Variants in WEE1 observed in about 807,000 individuals in gnomAD.
The protein encoded by WEE1 is wee1-like protein kinase.
A neutral mutation model predicts 68.8 loss-of-function variants in WEE1; 16 were observed. That is an observed-to-expected ratio of 0.23 (90% CI 0.16 to 0.35). The LOEUF (loss-of-function observed/expected upper bound fraction) is 0.35, where lower values mean the gene tolerates loss of function less well. Ranked by LOEUF, WEE1 falls within the 10% of genes least tolerant of loss-of-function variation. The probability of loss-of-function intolerance (pLI) is 1.00; values close to 1 mark genes in which losing one functional copy is unlikely to be tolerated. For synonymous variants in WEE1, 349 were observed against 318.7 expected, an observed-to-expected ratio of 1.09 and a Z score of -1.01; for missense variants, 651 against 824.1, an observed-to-expected ratio of 0.79 and a Z score of 2.57.
Position 9,576,426 on chromosome 11 carries a change from A to G in WEE1, c.847-61A>G. The G allele has an allele frequency of 1.3e-6, 2 of 1,578,652 alleles. No homozygotes were observed. The highest frequency in any genetic ancestry group is 1.7e-6 in the Non-Finnish European group (2 of 1,161,248). On this transcript the variant is annotated intron_variant, in intron 3 of 10. Coordinates refer to ENST00000450114, the MANE Select transcript of WEE1 (RefSeq NM_003390.4). This position sits in a 1 kb window ranked among gnomAD's most constrained non-coding sequence, Gnocchi z 4.3. ...ATTTCACACATAGCCCTATCACCAT[A>G]GCAAGAAATAACTGTTTTCGTATAT...
rs1781211359 is a variant in WEE1 at position 9,589,845 on chromosome 11, A to G, written c.*1243A>G. On this transcript the variant is annotated 3_prime_UTR_variant, in exon 11 of 11. Transcript: ENST00000450114. ...AAATGTATAGTGTGTATAATGTACT[A>G]TTATAAAAGCAGAGGGCACATTTTG... The G allele has an allele frequency of 2.0e-6, 1 of 509,036 alleles. No homozygotes were observed. Among genetic ancestry groups the G allele is most frequent in the Admixed American group, 6.4e-5 (1 of 15,662 alleles). The allele number at this position is 509,036 out of a possible 1,614,324, so 31.5% of individuals were successfully genotyped here.
chr11:9,575,096 G>A, intron 1 of WEE1: 1 of 985,492 alleles, frequency 1.0e-6, no homozygotes, highest in Non-Finnish European at 1.2e-6. Flanking sequence ...CTAAGTCCAG[G>A]CAGTACTGAG....
At chr11:9,585,135 T>G (rs933526777) in intron 6 of WEE1, 123 bp from the exon 7 acceptor site, 5 of 767,932 alleles carry the variant, frequency 6.5e-6, no homozygotes, top group Non-Finnish European at 1.1e-5. Flanking sequence ...TTCCATGGGT[T>G]TGGGCTAGAA....
chr11:9,575,057 C>T, intron 1 of WEE1: 1 of 985,660 alleles, frequency 1.0e-6, no homozygotes, highest in South Asian at 4.7e-5. Flanking sequence ...GGCTGGCCTT[C>T]CAAGCATTTA....
chr11:9,574,507 A>C lies in WEE1; in HGVS notation c.574A>C (p.Lys192Gln). The change falls in exon 1 of 11, where the codon AAG (lysine) becomes CAG (glutamine). Residue 192 changes from lysine (K) to glutamine (Q), a missense_variant and splice_region_variant. Physicochemically the swap from Lys to Gln is moderately conservative, Grantham distance 53 (BLOSUM62 1). This residue lies in a region of WEE1 where 395 missense variants were observed against 378.4 expected (regional missense o/e 1.04). Transcript: ENST00000450114. This position sits in a 1 kb window ranked among gnomAD's most constrained non-coding sequence, Gnocchi z 4.9. Reference protein sequence around the residue: ...LRLFDTPHTPKSLLSKARGID... With the variant: ...LRLFDTPHTPQSLLSKARGID... The stretch of plus-strand genomic sequence containing the variant: ...ACTCTTCGACACCCCGCACACGCCC[A>C]AGGTGAGAGCGGCGGGCGCGGGCAC... 1.6e-6 allele frequency: 2 copies of C among 1,218,362 alleles called. No homozygotes were observed. The highest frequency in any genetic ancestry group is 1.6e-5 in the African/African-American group (1 of 62,346). 75.5% of individuals were successfully genotyped at this position (1,218,362 alleles called of 1,614,324 possible). A position where few individuals can be genotyped will look rare whatever the true frequency, so the allele number is the denominator to read the frequency against.
chr11:9,575,384 G>C (rs1849554649), intron 1 of WEE1: 1 of 991,916 alleles, frequency 1.0e-6, no homozygotes. Flanking sequence ...AAGTGAGTTT[G>C]TTTTGTTTTC....
At chr11:9,584,572 A>G (rs1849679750) in intron 6 of WEE1, among the ~76,000 whole-genome samples, 1 of 152,242 alleles carries the variant, frequency 6.6e-6, no homozygotes, top group Non-Finnish European at 1.5e-5. Context: ...TCACAAAGCC[A>G]TATTGCAAGG....
intron 6 of WEE1, among the ~76,000 whole-genome samples, chr11:9,584,459 T>C (rs556903179): frequency 3.9e-5 from 6 of 152,140 alleles, no homozygotes; most frequent in Non-Finnish European, 8.8e-5. Context: ...ACTATACTGA[T>C]AAAACTATTA....
Position 9,589,406 on chromosome 11 carries a change from G to T in WEE1, c.*804G>T. ...AACTTGTTCTGGTAATGTCCTTCCC[G>T]GACTCTTTTTAAATGTCTCCCCCTA... On this transcript the variant is annotated 3_prime_UTR_variant, in exon 11 of 11. Transcript: ENST00000450114. The T allele has an allele frequency of 3.0e-6, 3 of 984,330 alleles. No homozygotes were observed. The South Asian group carries it at 1.4e-4, about 46-fold the overall frequency. The allele number at this position is 984,330 out of a possible 1,614,324, so 61.0% of individuals were successfully genotyped here.
intron 10 of WEE1, 118 bp from the exon 11 acceptor site, chr11:9,588,331 C>A: frequency 1.6e-6 from 1 of 615,640 alleles, no homozygotes; most frequent in Non-Finnish European, 2.5e-6. Flanking sequence ...TTTTATTTTT[C>A]AATTACATCT....
At chr11:9,584,107 A>G (rs1358007298) in intron 6 of WEE1, among the ~76,000 whole-genome samples, 1 of 151,290 alleles carries the variant, frequency 6.6e-6, no homozygotes, top group Non-Finnish European at 1.5e-5. Context: ...TGGCCTCCCA[A>G]AGTGCTGGGA....
intron 6 of WEE1, among the ~76,000 whole-genome samples, chr11:9,583,761 GCACA>G (rs1157681380): frequency 2.6e-3 from 128 of 48,846 alleles, no homozygotes; most frequent in Middle Eastern, 0.013. Flanking sequence ...GCACGCGCGC[GCACA>G]CACACACACA....
Position 9,589,050 on chromosome 11 carries a change from A to G in WEE1, c.*448A>G. 2.1e-6 allele frequency: 2 copies of G among 941,838 alleles called. No individual in the cohort carries two copies. Among genetic ancestry groups the G allele is most frequent in the Non-Finnish European group, 2.5e-6 (2 of 790,994 alleles). The allele number at this position is 941,838 out of a possible 1,614,324, so 58.3% of individuals were successfully genotyped here. ...CCATCTTATATTTCTTTTTTTTTTA[A>G]TTGTGAATTAGACTTGTATATCCCA... is the stretch of plus-strand genomic sequence containing the variant. On this transcript the variant is annotated 3_prime_UTR_variant, in exon 11 of 11. Transcript: ENST00000450114.
chr11:9,576,179 G>A lies in WEE1; in HGVS notation c.783-51G>A, dbSNP rs1849563126. The stretch of plus-strand genomic sequence containing the variant: ...ATCAAAATTTAGTTCCTATTTAATG[G>A]CATGGATGTATCTGTCAGATATATT... On this transcript the variant is annotated intron_variant, in intron 2 of 10. Transcript: ENST00000450114. The surrounding 1 kb of genome is among the most constrained non-coding windows in gnomAD (Gnocchi z 4.3). The A allele has an allele frequency of 1.9e-6, 3 of 1,595,228 alleles. No individual in the cohort carries two copies. The highest frequency in any genetic ancestry group is 1.7e-5 in the Admixed American group (1 of 57,494).
chr11:9,574,396 G>T lies in WEE1; in HGVS notation c.463G>T (p.Gly155Trp). ...GPGDASPRGC[G>W]ARRAGEGRRS... ...AGGAGATGCGTCGCCGCGGGGTTGC[G>T]GGGCGCGCCGGGCGGGCGAAGGCCG... Residue 155 changes from glycine (G) to tryptophan (W), a missense_variant, in exon 1 of 11, where the codon GGG (glycine) becomes TGG (tryptophan). By Grantham distance (184) the Gly-to-Trp change is radical. Around this residue, in one of 5 missense-constraint regions of WEE1, gnomAD observed 395 missense variants for 378.4 expected, o/e 1.04. Transcript: ENST00000450114. This position sits in a 1 kb window ranked among gnomAD's most constrained non-coding sequence, Gnocchi z 4.9. 4.9e-6 allele frequency: 6 copies of T among 1,212,854 alleles called. No homozygotes were observed. The highest frequency in any genetic ancestry group is 6.1e-6 in the Non-Finnish European group (6 of 980,002). The allele number at this position is 1,212,854 out of a possible 1,614,324, so 75.1% of individuals were successfully genotyped here. A position where few individuals can be genotyped will look rare whatever the true frequency, so the allele number is the denominator to read the frequency against.
Position 9,576,157 on chromosome 11 carries a change from A to C in WEE1, c.782+64A>C, listed in dbSNP as rs1337139899. On this transcript the variant is annotated intron_variant, in intron 2 of 10. Coordinates refer to ENST00000450114, the MANE Select transcript of WEE1 (RefSeq NM_003390.4). This position sits in a 1 kb window ranked among gnomAD's most constrained non-coding sequence, Gnocchi z 4.3. ...CTAAGATTGGTTTGGTATACTTATCAAAATTTAGTTCCTATTTAATGGCAT... is the reference window on the plus strand; with the variant it reads ...CTAAGATTGGTTTGGTATACTTATCCAAATTTAGTTCCTATTTAATGGCAT... 1.9e-6 allele frequency: 3 copies of C among 1,606,330 alleles called. No individual in the cohort carries two copies. The highest frequency in any genetic ancestry group is 3.4e-5 in the Admixed American group (2 of 59,114).
intron 6 of WEE1, among the ~76,000 whole-genome samples, chr11:9,583,761 G>GCACACACACACACACACACA (rs1157681380): frequency 2.0e-5 from 1 of 48,950 alleles, no homozygotes; most frequent in African/African-American, 7.5e-5. Flanking sequence ...GCACGCGCGC[G>GCACACACACACACACACACA]CACACACACA....
At chr11:9,581,477 A>AAGAAAGAAAATATTTC (rs1849626978) in intron 5 of WEE1, 55 bp from the exon 6 acceptor site, 1 of 1,524,990 alleles carries the variant, frequency 6.6e-7, no homozygotes, top group African/African-American at 1.4e-5. Flanking sequence ...GTAAAGATGG[A>AAGAAAGAAAATATTTC]AGAAAGAAAA....
intron 5 of WEE1, chr11:9,581,294 G>T: frequency 2.5e-6 from 1 of 407,030 alleles, no homozygotes; most frequent in South Asian, 4.8e-5. Context: ...AGAAACAGGT[G>T]GATTGCTGAG....
Sources: gnomAD v4.1 joint callset for allele counts (sites outside exome capture counted in the v4.1 genomes callset) on GRCh38, gnomAD v4.1.1 for gene constraint, gnomAD v4.1.1 regional missense constraint, Gnocchi (gnomAD v3.1) non-coding constraint, MANE v1.5 for transcripts, NCBI Gene and HGNC (gene_info 2026-07-23, HGNC 2026-07-21) for gene names.